Variants in COL12A1 observed in about 807,000 individuals in gnomAD.
COL12A1 encodes the protein collagen alpha-1(XII) chain.
A neutral mutation model predicts 349.7 loss-of-function variants in COL12A1; 114 were observed. The ratio of observed to expected loss-of-function variants is 0.33; its 90% confidence interval spans 0.28 to 0.38. The LOEUF (loss-of-function observed/expected upper bound fraction) is 0.38, where lower values mean the gene tolerates loss of function less well. Ranked by LOEUF, COL12A1 falls within the 10% of genes least tolerant of loss-of-function variation. COL12A1 has a pLI of 1.00. For missense variants in COL12A1, 3,284 were observed against 3,756.9 expected, an observed-to-expected ratio of 0.87 and a Z score of 3.29; for synonymous variants, 1,369 against 1,329.0, an observed-to-expected ratio of 1.03 and a Z score of -0.66.
chr6:75,146,081 A>G (rs1197632459), intron 24 of COL12A1, 21 bp downstream of exon 24: 13 of 1,571,548 alleles, frequency 8.3e-6, no homozygotes, highest in Non-Finnish European at 1.1e-5. Context: ...ACCCAATGTT[A>G]AAGAAACAAA....
chr6:75,125,821 A>T (rs896272552), intron 39 of COL12A1, among the ~76,000 whole-genome samples: 5 of 152,128 alleles, frequency 3.3e-5, no homozygotes, highest in African/African-American at 9.6e-5. Flanking sequence ...TATATGGAAG[A>T]TGCCCTAAGA....
chr6:75,099,970 C>G (rs1439537617), intron 58 of COL12A1, among the ~76,000 whole-genome samples: 1 of 152,164 alleles, frequency 6.6e-6, no homozygotes, highest in Non-Finnish European at 1.5e-5. Flanking sequence ...GATTCCCATA[C>G]TCAAAGTCTC....
At chr6:75,151,390 C>A in intron 20 of COL12A1, 103 bp from the exon 21 acceptor site, 1 of 1,041,940 alleles carries the variant, frequency 9.6e-7, no homozygotes, top group Non-Finnish European at 1.4e-6. Context: ...TGCTTTTGGC[C>A]AACTATGAAG....
At chr6:75,188,634 T>C (rs1296313120) in intron 7 of COL12A1, 99 bp from the exon 8 acceptor site, 1 of 1,319,606 alleles carries the variant, frequency 7.6e-7, no homozygotes, top group African/African-American at 1.5e-5. Context: ...TGAAGACATA[T>C]TCAAATCGTC....
chr6:75,162,230 A>C (rs1186329880), intron 14 of COL12A1, among the ~76,000 whole-genome samples: 1 of 152,206 alleles, frequency 6.6e-6, no homozygotes, highest in East Asian at 1.9e-4. Context: ...TGGAGGCATC[A>C]AGCTACCTGA....
intron 21 of COL12A1, among the ~76,000 whole-genome samples, chr6:75,150,307 C>T (rs1582136170): frequency 6.6e-6 from 1 of 152,076 alleles, no homozygotes; most frequent in Non-Finnish European, 1.5e-5. Context: ...TCATTATGCA[C>T]CATCCTTTTT....
intron 16 of COL12A1, among the ~76,000 whole-genome samples, chr6:75,155,156 G>C (rs1181041569): frequency 6.6e-6 from 1 of 152,026 alleles, no homozygotes; most frequent in Non-Finnish European, 1.5e-5. Context: ...GCACAGCCTG[G>C]AGCTGGACCT....
chr6:75,187,615 G>A (rs184403858), intron 8 of COL12A1, among the ~76,000 whole-genome samples: 10 of 152,188 alleles, frequency 6.6e-5, no homozygotes, highest in Non-Finnish European at 1.3e-4. Context: ...CAGAATTAGG[G>A]CCAATGAACA....
intron 1 of COL12A1, among the ~76,000 whole-genome samples, chr6:75,205,087 C>G (rs1422138831): frequency 6.6e-6 from 1 of 151,772 alleles, no homozygotes; most frequent in Non-Finnish European, 1.5e-5. Flanking sequence ...AGTGGGAAAC[C>G]GCCGCGGAGA....
At chr6:75,189,151 T>C (rs1372277928) in intron 7 of COL12A1, 66 bp downstream of exon 7, 2 of 1,505,004 alleles carry the variant, frequency 1.3e-6, no homozygotes, top group Admixed American at 2.0e-5. Context: ...CAATCTTTCA[T>C]CTTCCTAAAC....
At chr6:75,154,646 T>A in intron 16 of COL12A1, 109 bp from the exon 17 acceptor site, 1 of 1,175,020 alleles carries the variant, frequency 8.5e-7, no homozygotes, top group Non-Finnish European at 1.2e-6. Flanking sequence ...GCTTACACTA[T>A]GAAGAGTTTA....
chr6:75,129,571 A>G (rs1159531789), intron 37 of COL12A1, among the ~76,000 whole-genome samples: 1 of 152,198 alleles, frequency 6.6e-6, no homozygotes, highest in Non-Finnish European at 1.5e-5. Flanking sequence ...AAACTATGAC[A>G]CTCAAAAAGT....
intron 31 of COL12A1, among the ~76,000 whole-genome samples, chr6:75,135,300 A>G (rs1766540228): frequency 6.6e-6 from 1 of 152,226 alleles, no homozygotes; most frequent in Non-Finnish European, 1.5e-5. Flanking sequence ...AAACACATTA[A>G]AATGATTCAG....
chr6:75,174,916 G>A (rs1562276547), intron 13 of COL12A1, 122 bp downstream of exon 13: 4 of 1,114,012 alleles, frequency 3.6e-6, no homozygotes, highest in Non-Finnish European at 5.1e-6. Flanking sequence ...TTTTCAATAT[G>A]GATTCTTTTT....
chr6:75,139,653 G>A (rs1215091377), intron 27 of COL12A1, among the ~76,000 whole-genome samples: 2 of 152,138 alleles, frequency 1.3e-5, no homozygotes, highest in East Asian at 3.9e-4. Flanking sequence ...ATTGCCACAG[G>A]AAAGGAACTC....
chr6:75,147,614 G>C, intron 23 of COL12A1, 61 bp downstream of exon 23: 1 of 1,463,046 alleles, frequency 6.8e-7, no homozygotes. Flanking sequence ...GGCAAAAATG[G>C]GCCATCATGC....
chr6:75,186,864 G>A (rs752753985), intron 8 of COL12A1, among the ~76,000 whole-genome samples: 2 of 151,978 alleles, frequency 1.3e-5, no homozygotes, highest in Non-Finnish European at 2.9e-5. Context: ...AACTAACACA[G>A]GAACAGAAAA....
chr6:75,186,768 C>T (rs368030701), intron 8 of COL12A1, among the ~76,000 whole-genome samples: 63 of 152,174 alleles, frequency 4.1e-4, no homozygotes, highest in African/African-American at 1.4e-3. Flanking sequence ...ACATATATAC[C>T]ATGGAATACT....
At chr6:75,199,627 A>T (rs1341095533) in intron 2 of COL12A1, among the ~76,000 whole-genome samples, 1 of 152,210 alleles carries the variant, frequency 6.6e-6, no homozygotes, top group Non-Finnish European at 1.5e-5. Context: ...TTTCTACAGG[A>T]TAATTAACAT....
Sources: gnomAD v4.1 joint callset for allele counts (sites outside exome capture counted in the v4.1 genomes callset) on GRCh38, gnomAD v4.1.1 for gene constraint, MANE v1.5 for transcripts, NCBI Gene and HGNC (gene_info 2026-07-23, HGNC 2026-07-21) for gene names.